The following PTPRD variants were observed in gnomAD, a reference collection of about 807,000 sequenced individuals.
PTPRD encodes protein tyrosine phosphatase receptor type D, also known as receptor-type tyrosine-protein phosphatase delta.
PTPRD carries 34 observed loss-of-function variants against 214.5 expected under a neutral mutation model. The observed-to-expected ratio is 0.16, with a 90% CI of 0.12 to 0.21. PTPRD has a LOEUF of 0.21. PTPRD is among the 10% of genes least tolerant of loss of function. The probability of loss-of-function intolerance (pLI) is 1.00; values close to 1 mark genes in which losing one functional copy is unlikely to be tolerated. For missense variants in PTPRD, 2,545 were observed against 2,398.7 expected, an observed-to-expected ratio of 1.06 and a Z score of -1.27; for synonymous variants, 1,128 against 845.7, an observed-to-expected ratio of 1.33 and a Z score of -5.79.
At chr9:9,308,524 A>G (rs1402205302) in intron 9 of PTPRD, among the ~76,000 whole-genome samples, 1 of 152,184 alleles carries the variant, frequency 6.6e-6, no homozygotes, top group African/African-American at 2.4e-5. Flanking sequence ...TTGTACTGAG[A>G]TTCACTTTTT....
chr9:8,750,036 A>C (rs573905218), intron 11 of PTPRD, among the ~76,000 whole-genome samples: 247 of 150,596 alleles, frequency 1.6e-3, no homozygotes, highest in Non-Finnish European at 2.7e-3. Flanking sequence ...CCAGAGGCGG[A>C]GGTTGCAGTG....
chr9:8,632,151 G>C (rs1191706804), intron 14 of PTPRD, among the ~76,000 whole-genome samples: 3 of 146,816 alleles, frequency 2.0e-5, no homozygotes, highest in Admixed American at 6.7e-5. Context: ...GTGTGTGTCT[G>C]TGTGTGTGTG....
At chr9:8,718,582 G>C (rs1164545456) in intron 12 of PTPRD, among the ~76,000 whole-genome samples, 3 of 152,160 alleles carry the variant, frequency 2.0e-5, no homozygotes, top group Non-Finnish European at 4.4e-5. Flanking sequence ...TAGTTGAATA[G>C]ACTTAACTAT....
At chr9:9,490,723 A>G (rs1323669988) in intron 8 of PTPRD, among the ~76,000 whole-genome samples, 1 of 152,006 alleles carries the variant, frequency 6.6e-6, no homozygotes, top group Non-Finnish European at 1.5e-5. Flanking sequence ...GCTATAAAAT[A>G]TAAATAAAAG....
At chr9:9,762,248 G>A (rs928996561) in intron 6 of PTPRD, among the ~76,000 whole-genome samples, 4 of 152,188 alleles carry the variant, frequency 2.6e-5, no homozygotes, top group African/African-American at 9.7e-5. Flanking sequence ...AGTCCAAGAA[G>A]TCCAACAGTC....
At chr9:9,682,869 T>A (rs1262202806) in intron 7 of PTPRD, among the ~76,000 whole-genome samples, 3 of 151,758 alleles carry the variant, frequency 2.0e-5, no homozygotes, top group Non-Finnish European at 2.9e-5. Flanking sequence ...CAGGACCTCA[T>A]ATTTACAGGG....
chr9:8,367,441 T>C lies in PTPRD; in HGVS notation c.4661+8495A>G, dbSNP rs545699811. 3.3e-5 allele frequency among the ~76,000 whole-genome samples: 5 copies of C among 152,280 alleles called. No individual in the cohort carries two copies. The East Asian group carries it at 7.7e-4, about 24-fold the overall frequency. On this transcript the variant is annotated intron_variant, in intron 39 of 45. Coordinates refer to ENST00000381196, the MANE Select transcript of PTPRD (RefSeq NM_002839.4). Reference sequence around the variant, plus strand: ...GGTGGTGAGCAAAGCCCAAGGACGCTGCTAAGCATCCTATAATGTATAGGA... The same window carrying C: ...GGTGGTGAGCAAAGCCCAAGGACGCCGCTAAGCATCCTATAATGTATAGGA...
chr9:10,372,735 G>A (rs370447666), intron 2 of PTPRD, among the ~76,000 whole-genome samples: 4 of 151,902 alleles, frequency 2.6e-5, no homozygotes, highest in African/African-American at 9.7e-5. Flanking sequence ...ATTAACTAGC[G>A]TTCTTGTTAA....
At chr9:9,913,166 T>C (rs2079694015) in intron 5 of PTPRD, among the ~76,000 whole-genome samples, 2 of 152,190 alleles carry the variant, frequency 1.3e-5, no homozygotes, top group Non-Finnish European at 2.9e-5. Flanking sequence ...GCTATATAAA[T>C]TCATTTTTAT....
At chr9:9,854,504 C>G (rs1351901188) in intron 5 of PTPRD, among the ~76,000 whole-genome samples, 1 of 148,392 alleles carries the variant, frequency 6.7e-6, no homozygotes, top group African/African-American at 2.4e-5. Context: ...AAAAAGATAT[C>G]TAATTTTTTT....
At chr9:8,884,614 T>C (rs181227954) in intron 11 of PTPRD, among the ~76,000 whole-genome samples, 1 of 152,218 alleles carries the variant, frequency 6.6e-6, no homozygotes, top group African/African-American at 2.4e-5. Flanking sequence ...ATTCCGAAAG[T>C]TTCTGTTCTG....
At chr9:9,237,002 T>A (rs2099967221) in intron 9 of PTPRD, among the ~76,000 whole-genome samples, 1 of 152,180 alleles carries the variant, frequency 6.6e-6, no homozygotes, top group Non-Finnish European at 1.5e-5. Context: ...CTGGAATTAC[T>A]TGTCAGATAT....
chr9:9,660,726 C>T (rs938431914), intron 7 of PTPRD, among the ~76,000 whole-genome samples: 2 of 151,876 alleles, frequency 1.3e-5, no homozygotes, highest in Non-Finnish European at 2.9e-5. Context: ...ATAACATAAA[C>T]AAAGTGATTT....
chr9:10,244,787 T>C (rs2091800429), intron 3 of PTPRD, among the ~76,000 whole-genome samples: 1 of 152,126 alleles, frequency 6.6e-6, no homozygotes, highest in Admixed American at 6.6e-5. Flanking sequence ...GAACAGTGAT[T>C]TTAGAATGCA....
chr9:9,949,312 T>A (rs1336618467), intron 4 of PTPRD, among the ~76,000 whole-genome samples: 4 of 152,154 alleles, frequency 2.6e-5, no homozygotes, highest in Non-Finnish European at 5.9e-5. Flanking sequence ...CAAGGCTTCC[T>A]AACCTTTAAA....
chr9:8,745,722 G>T (rs1030347935), intron 11 of PTPRD, among the ~76,000 whole-genome samples: 3 of 152,054 alleles, frequency 2.0e-5, no homozygotes, highest in African/African-American at 7.2e-5. Flanking sequence ...GCAGACACAT[G>T]TTTATACCAC....
chr9:8,461,035 A>G (rs1415237216), intron 32 of PTPRD, among the ~76,000 whole-genome samples: 2 of 152,234 alleles, frequency 1.3e-5, no homozygotes, highest in East Asian at 3.9e-4. Flanking sequence ...TTTACAATGC[A>G]AAATAAGTCA....
intron 3 of PTPRD, among the ~76,000 whole-genome samples, chr9:10,209,563 G>A (rs935135550): frequency 6.6e-6 from 1 of 151,936 alleles, no homozygotes; most frequent in East Asian, 1.9e-4. Context: ...ATTGACAGTT[G>A]ATCCTTAGTC....
In PTPRD at chr9:8,901,747, T is replaced by C. The variant is rs77801252; in HGVS notation, c.-104+116950A>G. On this transcript the variant is annotated intron_variant, in intron 11 of 45. Coordinates refer to ENST00000381196, the MANE Select transcript of PTPRD (RefSeq NM_002839.4). Reference sequence around the variant, plus strand: ...GAGTGTAATTGCATCACATTATTCATTGTTTCAGATGAGCATATTCTCTTT... The same window carrying C: ...GAGTGTAATTGCATCACATTATTCACTGTTTCAGATGAGCATATTCTCTTT... Among the ~76,000 whole-genome samples, 482 of 152,348 alleles carry C rather than the reference T, an allele frequency of 3.2e-3. 2 individuals carry two copies. The highest frequency in any genetic ancestry group is 0.01 in the African/African-American group (430 of 41,592).
Sources: allele counts gnomAD v4.1 joint callset (sites outside exome capture counted in the v4.1 genomes callset), GRCh38; gene constraint gnomAD v4.1.1; transcripts MANE v1.5; gene names NCBI Gene and HGNC (gene_info 2026-07-23, HGNC 2026-07-21).